KEL: variants seen among roughly 807,000 people sequenced by gnomAD.
KEL encodes kell blood group glycoprotein.
KEL carries 96 observed loss-of-function variants against 99.5 expected under a neutral mutation model. The observed-to-expected ratio is 0.97, with a 90% confidence interval of 0.82 to 1.14. KEL has a LOEUF of 1.14. Ranked by LOEUF, KEL falls within the 50% of genes most tolerant of loss-of-function variation. KEL has a pLI of 0.00. For missense variants in KEL, 926 were observed against 924.2 expected (o/e 1.00, Z -0.03); for synonymous variants, 355 against 354.8 (o/e 1.00, Z -0.01).
At chr7:142,954,147 C>T in intron 8 of KEL, 37 bp downstream of exon 8, 1 of 1,589,276 alleles carries the variant, frequency 6.3e-7, no homozygotes, top group Non-Finnish European at 8.6e-7. Context: ...AGGAAGATCC[C>T]CATGCCCACA....
intron 10 of KEL, among the ~76,000 whole-genome samples, chr7:142,947,636 C>T (rs1344336995): frequency 6.6e-6 from 1 of 152,172 alleles, no homozygotes; most frequent in Non-Finnish European, 1.5e-5. Flanking sequence ...CTGCAACTTT[C>T]ACCTCCCGGG....
At chr7:142,955,775 G>GT (rs879491754) in intron 6 of KEL, among the ~76,000 whole-genome samples, 1 of 151,902 alleles carries the variant, frequency 6.6e-6, no homozygotes, top group Admixed American at 6.6e-5. Flanking sequence ...TTGCTACATT[G>GT]TATGTCCACA....
Position 142,952,415 on chromosome 7 carries a change from C to T in KEL, c.1203+94G>A, listed in dbSNP as rs933902779. The T allele has an allele frequency of 5.3e-6, 8 of 1,503,798 alleles. No homozygotes were observed. The Admixed American group carries it at 8.4e-5, about 16-fold the overall frequency. The allele number at this position is 1,503,798 out of a possible 1,614,324, so 93.2% of individuals were successfully genotyped here. ...ATGGAGGGGCATCTACCATCACGGCCCCCTCCCTGAGAGAGAGATGCCGAC... is the reference window on the plus strand; with the variant it reads ...ATGGAGGGGCATCTACCATCACGGCTCCCTCCCTGAGAGAGAGATGCCGAC... On this transcript the variant is annotated intron_variant, in intron 10 of 18. Coordinates refer to ENST00000355265, the MANE Select transcript of KEL (RefSeq NM_000420.3).
chr7:142,960,523 A>C (rs1238198192), intron 4 of KEL, among the ~76,000 whole-genome samples: 1 of 152,216 alleles, frequency 6.6e-6, no homozygotes, highest in Non-Finnish European at 1.5e-5. Context: ...CTTGTGGAGG[A>C]AAACACCATG....
At chr7:142,958,066 C>G in intron 5 of KEL, 93 bp from the exon 6 acceptor site, 1 of 1,490,780 alleles carries the variant, frequency 6.7e-7, no homozygotes, top group East Asian at 2.4e-5. Context: ...TACTGCCTGA[C>G]CTCTGCCCTG....
At position 142,946,272 on chromosome 7, in the gene KEL, A is replaced by T; in HGVS notation, c.1249T>A (p.Phe417Ile). ...WMKCVEETGT[F>I]FEPTLAALFV... The stretch of plus-strand genomic sequence containing the variant: ...AAAGCCGCCAGCGTGGGCTCGAAGA[A>T]CGTGCCTGTCTCCTCCACGCACTTC... Residue 417 changes from phenylalanine to isoleucine, a missense_variant, in exon 11 of 19, where the codon TTC becomes ATC. By Grantham distance (21) the Phe-to-Ile change is conservative (BLOSUM62 0). Coordinates refer to ENST00000355265, the MANE Select transcript of KEL (RefSeq NM_000420.3). The T allele has an allele frequency of 6.2e-7, 1 of 1,614,172 alleles. No individual in the cohort carries two copies. The highest frequency in any genetic ancestry group is 8.5e-7 in the Non-Finnish European group (1 of 1,180,018).
In KEL at chr7:142,942,529, C is replaced by T. The variant is rs868367052; in HGVS notation, c.1942G>A (p.Ala648Thr). The T allele has an allele frequency of 6.2e-7, 1 of 1,602,186 alleles. No individual in the cohort carries two copies. Among genetic ancestry groups the T allele is most frequent in the Non-Finnish European group, 8.5e-7 (1 of 1,173,430 alleles). The part of the protein sequence containing the change: ...DVGGLAIALQ[A>T]YSKRLLRHHG... ...TGCCGTAACAGCCTCTTGCTGTATGCCTGGGTAGGGGTGGGTAGAGAAGGG... is the reference window on the plus strand; with the variant it reads ...TGCCGTAACAGCCTCTTGCTGTATGTCTGGGTAGGGGTGGGTAGAGAAGGG... Residue 648 changes from alanine to threonine, a missense_variant and splice_region_variant, in exon 18 of 19, where the codon GCA becomes ACA. Physicochemically the swap from Ala to Thr is moderately conservative, Grantham distance 58. Transcript: ENST00000355265.
Position 142,943,609 on chromosome 7 carries a change from G to T in KEL, c.1593-13C>A. 1 of 1,597,920 alleles carries T rather than the reference G, an allele frequency of 6.3e-7. No individual in the cohort carries two copies. The highest frequency in any genetic ancestry group is 8.6e-7 in the Non-Finnish European group (1 of 1,165,610). ...GGACACCTTCCACCTGTGGGAAGAGGACATGTGAACTCCAGCCCCCACCAC... is the reference window on the plus strand; with the variant it reads ...GGACACCTTCCACCTGTGGGAAGAGTACATGTGAACTCCAGCCCCCACCAC... On this transcript the variant is annotated splice_polypyrimidine_tract_variant and intron_variant, in intron 14 of 18. Coordinates refer to ENST00000355265, the MANE Select transcript of KEL (RefSeq NM_000420.3).
chr7:142,951,064 C>T (rs1796673906), intron 10 of KEL, among the ~76,000 whole-genome samples: 1 of 152,186 alleles, frequency 6.6e-6, no homozygotes, highest in African/African-American at 2.4e-5. Context: ...TATTAAGTGC[C>T]ATCTTTTATA....
At position 142,962,231 on chromosome 7, in the gene KEL, A is replaced by T; in HGVS notation, c.-25T>A. On this transcript the variant is annotated 5_prime_UTR_variant, in exon 1 of 19. Transcript: ENST00000355265. ...TCTGTCTATCTTCTGTGGCTCCAGAATCCTTCCTGGTTCCACTCTAGGAGC... is the reference window on the plus strand; with the variant it reads ...TCTGTCTATCTTCTGTGGCTCCAGATTCCTTCCTGGTTCCACTCTAGGAGC... The T allele has an allele frequency of 6.2e-7, 1 of 1,614,064 alleles. No individual in the cohort carries two copies. Among genetic ancestry groups the T allele is most frequent in the Non-Finnish European group, 8.5e-7 (1 of 1,179,994 alleles).
chr7:142,962,295 C>T lies in KEL; in HGVS notation c.-89G>A. 6.8e-7 allele frequency: 1 copy of T among 1,466,630 alleles called. No individual in the cohort carries two copies. The highest frequency in any genetic ancestry group is 2.3e-5 in the East Asian group (1 of 44,108). 90.9% of individuals were successfully genotyped at this position (1,466,630 alleles called of 1,614,324 possible). A position where few individuals can be genotyped will look rare whatever the true frequency, so the allele number is the denominator to read the frequency against. On this transcript the variant is annotated 5_prime_UTR_variant, in exon 1 of 19. Coordinates refer to ENST00000355265, the MANE Select transcript of KEL (RefSeq NM_000420.3). ...TGGGGTCCAGGAAACACCCCCCGCC[C>T]CAGTTCCTTGATCCTGGAGAAGGGG...
chr7:142,949,431 C>T (rs981478919), intron 10 of KEL, among the ~76,000 whole-genome samples: 1 of 152,240 alleles, frequency 6.6e-6, no homozygotes, highest in Admixed American at 6.5e-5. Flanking sequence ...ATCCTAACTA[C>T]CACTCACTTA....
chr7:142,948,095 C>T (rs367854681), intron 10 of KEL, among the ~76,000 whole-genome samples: 1 of 151,728 alleles, frequency 6.6e-6, no homozygotes, highest in East Asian at 1.9e-4. Context: ...CCTTCTCATT[C>T]TTGATTTGTT....
At position 142,957,909 on chromosome 7, in the gene KEL, A is replaced by G. The variant is rs750232878; in HGVS notation, c.590T>C (p.Leu197Pro). The stretch of plus-strand genomic sequence containing the variant: ...AGGGAAATGGCCATACTGACTCATC[A>G]GAAGTCTCAGCGTTCGGTTAAAGTT... The part of the protein sequence containing the change: ...SLNFNRTLRL[L>P]MSQYGHFPFF... The change falls in exon 6 of 19, where the codon CTG becomes CCG. Residue 197 changes from leucine (L) to proline (P), a missense_variant. Coordinates refer to ENST00000355265, the MANE Select transcript of KEL (RefSeq NM_000420.3). The G allele has an allele frequency of 6.2e-7, 1 of 1,614,138 alleles. No homozygotes were observed. Among genetic ancestry groups the G allele is most frequent in the Non-Finnish European group, 8.5e-7 (1 of 1,180,010 alleles).
chr7:142,961,811 G>T lies in KEL; in HGVS notation c.65C>A (p.Thr22Asn), dbSNP rs1444300409. 6.2e-7 allele frequency: 1 copy of T among 1,614,016 alleles called. No homozygotes were observed. The highest frequency in any genetic ancestry group is 2.2e-5 in the East Asian group (1 of 44,870). Residue 22 changes from threonine (T) to asparagine (N), a missense_variant, in exon 2 of 19, where the codon ACT (threonine) becomes AAT (asparagine). Coordinates refer to ENST00000355265, the MANE Select transcript of KEL (RefSeq NM_000420.3). ...GCCACTTACCTCTTGGCTCCAGAGA[G>T]TTCCCATTCCACCTGCCTGGCTGCG... ...RERSQAGGMGTLWSQESTPEE... is the reference protein window; with the variant it reads ...RERSQAGGMGNLWSQESTPEE...
In KEL at chr7:142,944,339, C is replaced by T. The variant is rs61729035; in HGVS notation, c.1475G>A (p.Arg492Gln). 642 of 1,613,812 alleles carry T rather than the reference C, an allele frequency of 4.0e-4. No homozygotes were observed. The highest frequency in any genetic ancestry group is 2.5e-3 in the African/African-American group (188 of 75,028). ...GGGACCCACATCGTTGTATTCTTGT[C>T]GGGCCAGCTCTGGCTTCAGGGCCCA... ...SEWALKPELA[R>Q]QEYNDIQLGS... The change falls in exon 13 of 19, where the codon CGA becomes CAA. Residue 492 changes from arginine to glutamine, a missense_variant. Physicochemically the swap from Arg to Gln is conservative, Grantham distance 43. Transcript: ENST00000355265.
At position 142,958,393 on chromosome 7, in the gene KEL, C is replaced by T. The variant is rs762799244; in HGVS notation, c.436G>A (p.Glu146Lys). 41 of 1,614,036 alleles carry T rather than the reference C, an allele frequency of 2.5e-5. No homozygotes were observed. Among genetic ancestry groups the T allele is most frequent in the Non-Finnish European group, 3.3e-5 (39 of 1,180,042 alleles). The change falls in exon 5 of 19, where the codon GAG (glutamate) becomes AAG (lysine). Residue 146 changes from glutamate to lysine, a missense_variant. Transcript: ENST00000355265. ...QNSWHPGSGE[E>K]KAFQFYNSCM... ...GAGTTGTAGAACTGGAAGGCTTTCT[C>T]CTCCCCAGAGCCTGGGTGCCAGGAA...
chr7:142,954,373 C>G lies in KEL; in HGVS notation c.736-1G>C, dbSNP rs765075509. The G allele has an allele frequency of 1.9e-5, 30 of 1,614,040 alleles. No homozygotes were observed. The highest frequency in any genetic ancestry group is 3.3e-5 in the Admixed American group (2 of 60,000). On this transcript the variant is annotated splice_acceptor_variant, in intron 7 of 18. Transcript: ENST00000355265. LOFTEE classifies it high-confidence loss of function. The stretch of plus-strand genomic sequence containing the variant: ...GGTAAGTCAGGTATTCCCGAAAGAT[C>G]TGGAGGAAGGAAATGTCAGTCACAG...
chr7:142,957,840 G>A lies in KEL; in HGVS notation c.659C>T (p.Thr220Ile), dbSNP rs1390839726. 2 of 1,614,074 alleles carry A rather than the reference G, an allele frequency of 1.2e-6. No individual in the cohort carries two copies. Among genetic ancestry groups the A allele is most frequent in the East Asian group, 2.2e-5 (1 of 44,846 alleles). Residue 220 changes from threonine (T) to isoleucine (I), a missense_variant, in exon 6 of 19, where the codon ACA becomes ATA. Physicochemically the swap from Thr to Ile is moderately conservative, Grantham distance 89. Transcript: ENST00000355265. ...YLGPHPASPH[T>I]PVIQIDQPEF... ...TGCATCCCTCACCTGGATGACTGGT[G>A]TGTGTGGAGAGGCAGGATGAGGTCC...
Sources: allele counts gnomAD v4.1 joint callset (sites outside exome capture counted in the v4.1 genomes callset), GRCh38; gene constraint gnomAD v4.1.1; transcripts MANE v1.5; gene names NCBI Gene and HGNC (gene_info 2026-07-23, HGNC 2026-07-21).